Variants in NBN observed in about 807,000 individuals in gnomAD.
NBN encodes the protein nibrin, also known as Nijmegen breakage syndrome 1 (nibrin).
A neutral mutation model predicts 90.8 loss-of-function variants in NBN; 88 were observed. The observed-to-expected ratio is 0.97, with a 90% confidence interval of 0.82 to 1.16. The LOEUF is 1.16. NBN is among the 50% of genes most tolerant of loss of function. The pLI is 0.00. For synonymous variants in NBN, 328 were observed against 295.1 expected, an observed-to-expected ratio of 1.11 and a Z score of -1.14; for missense variants, 894 against 869.6, an observed-to-expected ratio of 1.03 and a Z score of -0.35.
chr8:89,967,715 C>A (rs1266899976), intron 7 of NBN, among the ~76,000 whole-genome samples: 2 of 152,176 alleles, frequency 1.3e-5, no homozygotes, highest in Non-Finnish European at 2.9e-5. Flanking sequence ...TATTGTTCCC[C>A]TAGACTTCTA....
chr8:89,967,767 A>G (rs928647563), intron 7 of NBN, among the ~76,000 whole-genome samples: 1 of 152,180 alleles, frequency 6.6e-6, no homozygotes, highest in African/African-American at 2.4e-5. Context: ...CAGATTTCCT[A>G]TACTCACTTC....
intron 12 of NBN, 136 bp from the exon 13 acceptor site, chr8:89,946,431 C>G (rs1810197309): frequency 1.3e-6 from 1 of 767,358 alleles, no homozygotes; most frequent in Non-Finnish European, 2.2e-6. Flanking sequence ...TGTACCTGAA[C>G]TTTGTATTTG....
intron 14 of NBN, among the ~76,000 whole-genome samples, chr8:89,938,661 A>C (rs1809799266): frequency 6.6e-6 from 1 of 152,212 alleles, no homozygotes; most frequent in Admixed American, 6.5e-5. Context: ...CCAGCTCTTA[A>C]CGAGGCTGCC....
chr8:89,946,027 G>A (rs1810167444), intron 13 of NBN, 113 bp downstream of exon 13: 8 of 789,802 alleles, frequency 1.0e-5, no homozygotes, highest in Non-Finnish European at 1.6e-5. Flanking sequence ...AGCATTTTAA[G>A]CAGAAGAAGT....
intron 5 of NBN, 100 bp from the exon 6 acceptor site, chr8:89,971,390 A>C (rs946367125): frequency 1.4e-5 from 18 of 1,332,010 alleles, no homozygotes; most frequent in Non-Finnish European, 1.8e-5. Flanking sequence ...CATAATTTCC[A>C]TAATACCTTT....
In NBN at chr8:89,947,850, A is replaced by G. The variant is rs377132067; in HGVS notation, c.1888T>C (p.Ser630Pro). Residue 630 changes from serine to proline, a missense_variant, in exon 12 of 16, where the codon TCA (serine) becomes CCA (proline). Transcript: ENST00000265433. ...IGKKRELKED[S>P]LWSAKEISNN... ...GATATTTCTTTAGCTGACCATAGTGAGTCTTCCTTGAGTTCACGTTTCTTC... is the reference window on the plus strand; with the variant it reads ...GATATTTCTTTAGCTGACCATAGTGGGTCTTCCTTGAGTTCACGTTTCTTC... 3 of 1,583,312 alleles carry G rather than the reference A, an allele frequency of 1.9e-6. No individual in the cohort carries two copies. Among genetic ancestry groups the G allele is most frequent in the Non-Finnish European group, 2.6e-6 (3 of 1,156,388 alleles).
intron 11 of NBN, among the ~76,000 whole-genome samples, chr8:89,950,586 A>C (rs1810402129): frequency 6.6e-6 from 1 of 152,180 alleles, no homozygotes; most frequent in Non-Finnish European, 1.5e-5. Flanking sequence ...AAAGCCTACA[A>C]CAACATATTT....
At chr8:89,967,998 C>T (rs569255800) in intron 7 of NBN, among the ~76,000 whole-genome samples, 90 of 152,302 alleles carry the variant, frequency 5.9e-4, no homozygotes, top group African/African-American at 2.1e-3. Context: ...TGGCTCACAC[C>T]TATGATGCCA....
intron 8 of NBN, among the ~76,000 whole-genome samples, chr8:89,963,362 C>G (rs1811088097): frequency 6.6e-6 from 1 of 152,134 alleles, no homozygotes; most frequent in Non-Finnish European, 1.5e-5. Context: ...TAACTTGTCT[C>G]TTTTAGCCCA....
chr8:89,979,539 T>G (rs1055680669), intron 4 of NBN, among the ~76,000 whole-genome samples: 1 of 151,400 alleles, frequency 6.6e-6, no homozygotes, highest in African/African-American at 2.5e-5. Context: ...TTGTTGTTGT[T>G]GTTGTTGTTT....
chr8:89,969,978 G>C (rs1811428681), intron 7 of NBN, among the ~76,000 whole-genome samples: 1 of 150,392 alleles, frequency 6.6e-6, no homozygotes, highest in African/African-American at 2.5e-5. Context: ...GCCAGGCACG[G>C]TGGCTCATAC....
chr8:89,942,996 C>A (rs1038249233), intron 14 of NBN, among the ~76,000 whole-genome samples: 2 of 151,356 alleles, frequency 1.3e-5, no homozygotes, highest in African/African-American at 4.9e-5. Context: ...CTTTTATCTC[C>A]CCCTTTTCAT....
intron 12 of NBN, chr8:89,946,545 A>G (rs1040105703): frequency 3.8e-5 from 16 of 420,360 alleles, no homozygotes; most frequent in African/African-American, 3.2e-4. Flanking sequence ...AAGGCTAAAA[A>G]CTGTGAAGCA....
At chr8:89,955,733 C>T (rs1228055849) in intron 9 of NBN, among the ~76,000 whole-genome samples, 178 bp from the exon 10 acceptor site, 1 of 152,066 alleles carries the variant, frequency 6.6e-6, no homozygotes, top group Admixed American at 6.6e-5. Flanking sequence ...ACCTAAGCAT[C>T]CTGTGGAAGG....
chr8:89,951,000 A>C (rs751907501), intron 11 of NBN, among the ~76,000 whole-genome samples: 52 of 152,118 alleles, frequency 3.4e-4, no homozygotes, highest in Non-Finnish European at 7.2e-4. Flanking sequence ...GCAGTAGACT[A>C]ATCTGGGATG....
At chr8:89,957,485 T>C (rs992089224) in intron 9 of NBN, among the ~76,000 whole-genome samples, 1 of 152,188 alleles carries the variant, frequency 6.6e-6, no homozygotes, top group Non-Finnish European at 1.5e-5. Context: ...TTATTGAAGA[T>C]TTTTTTGCAT....
At chr8:89,979,789 C>T (rs1223747506) in intron 4 of NBN, among the ~76,000 whole-genome samples, 2 of 152,126 alleles carry the variant, frequency 1.3e-5, no homozygotes, top group African/African-American at 2.4e-5. Flanking sequence ...GCATCCCACT[C>T]GCTGGAAGTG....
At chr8:89,943,199 A>C (rs553208721) in intron 14 of NBN, 54 bp downstream of exon 14, 1 of 1,600,504 alleles carries the variant, frequency 6.2e-7, no homozygotes, top group Non-Finnish European at 8.6e-7. Context: ...GAAGGCCACC[A>C]TAATGGACCA....
In NBN at chr8:89,953,471, G is replaced by A. The variant is rs1554558393; in HGVS notation, c.1618C>T (p.His540Tyr). 3 of 1,613,606 alleles carry A rather than the reference G, an allele frequency of 1.9e-6. No individual in the cohort carries two copies. Among genetic ancestry groups the A allele is most frequent in the Non-Finnish European group, 2.5e-6 (3 of 1,179,696 alleles). ...SIVKNSASKS[H>Y]AAEKLRSNKK... Reference sequence around the variant, plus strand: ...TTTGATCTTAGCTTTTCTGCAGCATGAGATTTACTGGCAGAATTTTTCACA... The same window carrying A: ...TTTGATCTTAGCTTTTCTGCAGCATAAGATTTACTGGCAGAATTTTTCACA... Residue 540 changes from histidine to tyrosine, a missense_variant, in exon 11 of 16, where the codon CAT becomes TAT. By Grantham distance (83) the His-to-Tyr change is moderately conservative (BLOSUM62 2). Coordinates refer to ENST00000265433, the MANE Select transcript of NBN (RefSeq NM_002485.5).
Sources: allele counts gnomAD v4.1 joint callset (sites outside exome capture counted in the v4.1 genomes callset), GRCh38; gene constraint gnomAD v4.1.1; transcripts MANE v1.5; gene names NCBI Gene and HGNC (gene_info 2026-07-23, HGNC 2026-07-21).